Variants in NAA11 observed in about 807,000 individuals in gnomAD.
The protein encoded by NAA11 is N-alpha-acetyltransferase 11.
NAA11 carries 15 observed loss-of-function variants against 16.1 expected under a neutral mutation model. The ratio of observed to expected loss-of-function variants is 0.93; its 90% CI spans 0.62 to 1.44. The LOEUF is 1.44. Among genes scored for constraint, NAA11 ranks in the 40% most tolerant of loss-of-function variants. The pLI, the probability that NAA11 is intolerant of heterozygous loss-of-function variation, is 0.00. For missense variants in NAA11, 298 were observed against 291.3 expected, an observed-to-expected ratio of 1.02 and a Z score of -0.17; for synonymous variants, 122 against 112.4, an observed-to-expected ratio of 1.09 and a Z score of -0.54.
chr4:79,313,279 A>G (rs1268650502), downstream of NAA11, among the ~76,000 whole-genome samples: 1 of 152,218 alleles, frequency 6.6e-6, no homozygotes. Flanking sequence ...CTAACTCATT[A>G]CACAATAACC....
intron 1 of NAA11, among the ~76,000 whole-genome samples, chr4:79,295,901 T>C (rs1723207339): frequency 1.3e-5 from 2 of 152,186 alleles, no homozygotes; most frequent in Admixed American, 6.5e-5. Flanking sequence ...GTTCTGAGAG[T>C]TCTATTCCTC....
At chr4:79,191,736 T>A in the NAA11 span, among the ~76,000 whole-genome samples, 3 of 152,236 alleles carry the variant, frequency 2.0e-5, no homozygotes, top group Non-Finnish European at 4.4e-5. Context: ...TTTTGCAGTC[T>A]TTGTTATGAA....
chr4:79,252,402 A>C (rs1722016588), intron 2 of NAA11, among the ~76,000 whole-genome samples: 1 of 152,186 alleles, frequency 6.6e-6, no homozygotes, highest in African/African-American at 2.4e-5. Context: ...TCTTCTAAAA[A>C]CTGGGGAAAT....
the NAA11 span, among the ~76,000 whole-genome samples, chr4:79,171,566 A>AT: frequency 6.6e-6 from 1 of 152,216 alleles, no homozygotes. Flanking sequence ...TATAGTTATT[A>AT]TATAGTAAAG....
chr4:79,276,967 A>G (rs1392315937), intron 2 of NAA11, among the ~76,000 whole-genome samples: 1 of 152,194 alleles, frequency 6.6e-6, no homozygotes, highest in Non-Finnish European at 1.5e-5. Context: ...AGATGCCGTT[A>G]AAGGAATAGC....
intron 2 of NAA11, among the ~76,000 whole-genome samples, chr4:79,291,302 A>G (rs1200750932): frequency 6.6e-6 from 1 of 151,586 alleles, no homozygotes; most frequent in Admixed American, 6.6e-5. Flanking sequence ...TCTCTACAAA[A>G]AAACGAAAAA....
the NAA11 span, among the ~76,000 whole-genome samples, chr4:79,184,907 A>G: frequency 0.12 from 18,387 of 152,186 alleles, 1,355 homozygotes; most frequent in African/African-American, 0.19. Context: ...AGTTTTTTAT[A>G]TTTTGTAGAT....
intron 1 of NAA11, among the ~76,000 whole-genome samples, chr4:79,302,600 G>C (rs1052860147): frequency 6.6e-6 from 1 of 151,902 alleles, no homozygotes; most frequent in East Asian, 1.9e-4. Flanking sequence ...TTCTATATAT[G>C]TATATTTGCA....
the NAA11 span, among the ~76,000 whole-genome samples, chr4:79,158,043 G>A: frequency 6.6e-6 from 1 of 151,854 alleles, no homozygotes; most frequent in Non-Finnish European, 1.5e-5. Context: ...TGGGACTACA[G>A]GTGCTCGCCA....
chr4:79,184,292 A>C, the NAA11 span, among the ~76,000 whole-genome samples: 1 of 152,220 alleles, frequency 6.6e-6, no homozygotes, highest in African/African-American at 2.4e-5. Flanking sequence ...AATGTCAAGG[A>C]GGTTTTAAAA....
chr4:79,166,478 A>G, the NAA11 span, among the ~76,000 whole-genome samples: 1 of 150,690 alleles, frequency 6.6e-6, no homozygotes, highest in Non-Finnish European at 1.5e-5. Context: ...CAGTCTCCCT[A>G]GTAGCTAGAA....
chr4:79,244,784 CG>C, intron 2 of NAA11: 1 of 153,372 alleles, frequency 6.5e-6, no homozygotes, highest in African/African-American at 2.4e-5. Flanking sequence ...CCCACCGCCA[CG>C]CCTGACTGGT....
rs774006852 is a variant in NAA11, at chr4:79,325,886, A to C, written c.-9T>G. The C allele has an allele frequency of 4.8e-5, 77 of 1,598,594 alleles. No individual in the cohort carries two copies. Among genetic ancestry groups the C allele is most frequent in the Non-Finnish European group, 6.2e-5 (73 of 1,171,512 alleles). On this transcript the variant is annotated 5_prime_UTR_variant, in exon 1 of 2. Transcript: ENST00000286794. ...GCGTTGCGGATGTTCATAATGGCAG[A>C]GGGTAGGGAACCGGTTGGACTGCAG...
intron 2 of NAA11, among the ~76,000 whole-genome samples, chr4:79,232,853 AT>A (rs922140194): frequency 5.9e-5 from 9 of 151,992 alleles, no homozygotes; most frequent in Non-Finnish European, 1.3e-4. Flanking sequence ...ATTATTATTT[AT>A]TTTTCACAGG....
the NAA11 span, among the ~76,000 whole-genome samples, chr4:79,213,437 T>G: frequency 6.6e-6 from 1 of 152,094 alleles, no homozygotes; most frequent in Non-Finnish European, 1.5e-5. Context: ...AAATTCAGAT[T>G]TGGAAAAACT....
chr4:79,286,586 T>C (rs6811299), intron 2 of NAA11, among the ~76,000 whole-genome samples: 66,264 of 151,904 alleles, frequency 0.44, 14,952 homozygotes, highest in Middle Eastern at 0.53. Context: ...TTACAGTTGA[T>C]TGAAACACAT....
intron 2 of NAA11, among the ~76,000 whole-genome samples, chr4:79,286,457 A>T (rs556931594): frequency 6.6e-4 from 100 of 152,032 alleles, no homozygotes; most frequent in Non-Finnish European, 1.3e-3. Context: ...TATGTGTGTT[A>T]TAGATTTGTG....
chr4:79,208,925 C>CAAAAAAAAAAAAAAAAAA, the NAA11 span, among the ~76,000 whole-genome samples: 1 of 53,970 alleles, frequency 1.9e-5, no homozygotes, highest in East Asian at 7.8e-4. Flanking sequence ...ATATAACTGC[C>CAAAAAAAAAAAAAAAAAA]AAAAAAAAAA....
At chr4:79,217,879 A>G in the NAA11 span, among the ~76,000 whole-genome samples, 1 of 152,150 alleles carries the variant, frequency 6.6e-6, no homozygotes, top group African/African-American at 2.4e-5. Context: ...TAAAAGAGAG[A>G]AGAGGAAGAA....
Sources: gnomAD v4.1 joint callset for allele counts (sites outside exome capture counted in the v4.1 genomes callset) on GRCh38, gnomAD v4.1.1 for gene constraint, MANE v1.5 for transcripts, NCBI Gene and HGNC (gene_info 2026-07-23, HGNC 2026-07-21) for gene names.